The following SOX6 variants were observed in gnomAD, a reference collection of about 807,000 sequenced individuals.
The protein encoded by SOX6 is transcription factor SOX-6.
In SOX6, 11 loss-of-function variants were observed where a neutral mutation model predicts 97.8. The ratio of observed to expected loss-of-function variants is 0.11; its 90% CI spans 0.07 to 0.19. The LOEUF is 0.19. Ranked by LOEUF, SOX6 falls within the 10% of genes least tolerant of loss-of-function variation. The pLI, the probability that SOX6 is intolerant of heterozygous loss-of-function variation, is 1.00. For missense variants in SOX6, 810 were observed against 1,039.5 expected (o/e 0.78, Z 3.04); for synonymous variants, 360 against 371.4 (o/e 0.97, Z 0.35).
At chr11:16,614,984 C>A (rs773130228) in intron 3 of SOX6, among the ~76,000 whole-genome samples, 1 of 152,144 alleles carries the variant, frequency 6.6e-6, no homozygotes, top group Non-Finnish European at 1.5e-5. Context: ...ATAGCCACAG[C>A]AACCCGATGC....
intron 3 of SOX6, among the ~76,000 whole-genome samples, chr11:16,236,103 C>T (rs546950098): frequency 1.3e-3 from 199 of 151,970 alleles, no homozygotes; most frequent in Middle Eastern, 3.2e-3. Flanking sequence ...TCCTTCCTTC[C>T]TACCTTCCTT....
At chr11:16,035,486 C>T (rs1302633756) in intron 12 of SOX6, among the ~76,000 whole-genome samples, 2 of 152,076 alleles carry the variant, frequency 1.3e-5, no homozygotes, top group Admixed American at 1.3e-4. Flanking sequence ...TTATTATGTT[C>T]TTAAAACTGC....
In SOX6 at chr11:16,700,843, A is replaced by C. The variant is rs544998681; in HGVS notation, n.429+13987T>G. Among the ~76,000 whole-genome samples, 49 of 152,226 alleles carry C rather than the reference A, an allele frequency of 3.2e-4. 1 individual carries two copies. In the East Asian group the frequency reaches 6.2e-3, roughly 19 times the overall value. On this transcript the variant is annotated intron_variant and non_coding_transcript_variant, in intron 3 of 5. Transcript: ENST00000524520. Reference sequence around the variant, plus strand: ...TGCACCAGCATTTCTTGGTTTTCTTAACCCTGCTCACACCTTTGAAGGTAG... The same window carrying C: ...TGCACCAGCATTTCTTGGTTTTCTTCACCCTGCTCACACCTTTGAAGGTAG...
At chr11:16,086,604 G>T (rs1193157333) in intron 9 of SOX6, among the ~76,000 whole-genome samples, 1 of 152,084 alleles carries the variant, frequency 6.6e-6, no homozygotes, top group East Asian at 1.9e-4. Context: ...GACTAGGGAT[G>T]GGCAAGGATA....
chr11:16,330,373 G>A (rs1856250404), intron 2 of SOX6, among the ~76,000 whole-genome samples: 2 of 152,068 alleles, frequency 1.3e-5, no homozygotes, highest in Non-Finnish European at 2.9e-5. Flanking sequence ...GGCCAACATG[G>A]TGAAACCCCG....
intron 6 of SOX6, among the ~76,000 whole-genome samples, chr11:16,132,332 AAAGAAAAAAGAAAG>A: frequency 1.9e-5 from 2 of 105,074 alleles, no homozygotes; most frequent in Non-Finnish European, 2.0e-5. Context: ...GGAAGGAAGG[AAAGAAAAAAGAAAG>A]AAAGAAAGAA....
In SOX6 at chr11:16,562,927, T is replaced by A. The variant is rs146319820; in HGVS notation, n.609+49154A>T. 2.0e-5 allele frequency among the ~76,000 whole-genome samples: 3 copies of A among 152,238 alleles called. No homozygotes were observed. The East Asian group carries it at 5.8e-4, about 29-fold the overall frequency. On this transcript the variant is annotated intron_variant and non_coding_transcript_variant, in intron 4 of 5. Coordinates refer to the SOX6 transcript ENST00000524520. ...ATCTAGCAGTAACAAGGTAGCAGCC[T>A]CCCTTCCCTTACTGAACCAGTGTTA...
chr11:16,720,244 G>A (rs1013639425), intron 2 of SOX6, among the ~76,000 whole-genome samples: 10 of 148,122 alleles, frequency 6.8e-5, no homozygotes, highest in East Asian at 4.0e-4. Context: ...ACATGCACAC[G>A]TATGTTTATT....
At chr11:16,301,999 A>G (rs1313232272) in intron 3 of SOX6, among the ~76,000 whole-genome samples, 1 of 152,060 alleles carries the variant, frequency 6.6e-6, no homozygotes, top group African/African-American at 2.4e-5. Context: ...TCTCAGCTAG[A>G]TATCTCCCTA....
intron 1 of SOX6, among the ~76,000 whole-genome samples, chr11:16,430,464 A>T (rs954963809): frequency 1.3e-5 from 2 of 152,098 alleles, no homozygotes; most frequent in Non-Finnish European, 2.9e-5. Context: ...CCTCATCCTC[A>T]AAGTGATTGT....
chr11:16,659,375 T>C (rs1190682300), intron 3 of SOX6, among the ~76,000 whole-genome samples: 2 of 152,324 alleles, frequency 1.3e-5, no homozygotes, highest in East Asian at 3.9e-4. Context: ...ATTTATTAGC[T>C]CTCTATCCTG....
chr11:16,056,254 A>G (rs1437982796), intron 9 of SOX6, among the ~76,000 whole-genome samples: 1 of 152,092 alleles, frequency 6.6e-6, no homozygotes, highest in African/African-American at 2.4e-5. Context: ...AGTTATTTAA[A>G]TGTCTGGGAT....
chr11:16,550,753 A>G (rs1847674772), intron 4 of SOX6, among the ~76,000 whole-genome samples: 1 of 152,204 alleles, frequency 6.6e-6, no homozygotes, highest in Admixed American at 6.5e-5. Context: ...CTTACTCTAT[A>G]CATTAAGTAA....
intron 3 of SOX6, among the ~76,000 whole-genome samples, chr11:16,674,954 C>CTAAATAAA (rs549708841): frequency 2.0e-5 from 3 of 152,118 alleles, no homozygotes; most frequent in Admixed American, 6.5e-5. Context: ...GAGACTCTGT[C>CTAAATAAA]TAAATAAATA....
intron 4 of SOX6, among the ~76,000 whole-genome samples, chr11:16,527,267 T>C (rs1861181319): frequency 6.6e-6 from 1 of 152,114 alleles, no homozygotes. Context: ...CTTCATGAAA[T>C]TGCATTTCCA....
At chr11:16,248,821 G>C (rs548806918) in intron 3 of SOX6, among the ~76,000 whole-genome samples, 3 of 152,300 alleles carry the variant, frequency 2.0e-5, no homozygotes, top group Admixed American at 1.3e-4. Context: ...GCTCCAGCTG[G>C]GCACGGTGGC....
chr11:16,107,804 A>G (rs75460741), intron 7 of SOX6, among the ~76,000 whole-genome samples: 1,834 of 152,190 alleles, frequency 0.012, 33 homozygotes, highest in African/African-American at 0.041. Context: ...TATTATGTAT[A>G]TTTTACTGCA....
At chr11:16,217,560 T>C (rs1852410327) in intron 4 of SOX6, among the ~76,000 whole-genome samples, 1 of 152,190 alleles carries the variant, frequency 6.6e-6, no homozygotes, top group African/African-American at 2.4e-5. Flanking sequence ...CATAAAGATG[T>C]ACAGAAGATT....
chr11:16,723,923 G>T (rs756719953), intron 2 of SOX6, among the ~76,000 whole-genome samples: 2 of 152,156 alleles, frequency 1.3e-5, no homozygotes, highest in Non-Finnish European at 2.9e-5. Flanking sequence ...GAAGAAACTT[G>T]ACGCCCAAAG....
Sources: gnomAD v4.1 joint callset for allele counts (sites outside exome capture counted in the v4.1 genomes callset) on GRCh38, gnomAD v4.1.1 for gene constraint, MANE v1.5 for transcripts, NCBI Gene and HGNC (gene_info 2026-07-23, HGNC 2026-07-21) for gene names.